TUT4: variants seen among roughly 807,000 people sequenced by gnomAD.
The protein encoded by TUT4 is terminal uridylyltransferase 4.
Under a neutral mutation model 192.2 loss-of-function variants are expected in TUT4, and 36 were observed. The ratio of observed to expected loss-of-function variants is 0.19; its 90% CI spans 0.14 to 0.25. TUT4 has a LOEUF of 0.25. Ranked by LOEUF, TUT4 falls within the 10% of genes least tolerant of loss-of-function variation. The pLI is 1.00. For synonymous variants in TUT4, 618 were observed against 666.0 expected (o/e 0.93, Z 1.11); for missense variants, 1,493 against 1,957.2 (o/e 0.76, Z 4.47).
Position 52,465,145 on chromosome 1 carries a change from A to C in TUT4, c.2994T>G (p.Ser998=), listed in dbSNP as rs986430176. ...DEKARLCLFG[S]SKNGFGFRDS... is the part of the protein sequence containing the mutation. ...CACGAAATCCAAATCCATTCTTAGA[A>C]GAGCCAAATAAGCACAACCTTGCCT... Residue 998 remains serine (S), a synonymous_variant, in exon 16 of 30, where the codon TCT becomes TCG. Coordinates refer to ENST00000257177, the MANE Select transcript of TUT4 (RefSeq NM_001009881.3). The C allele has an allele frequency of 1.9e-6, 3 of 1,613,688 alleles. No homozygotes were observed. The highest frequency in any genetic ancestry group is 2.5e-6 in the Non-Finnish European group (3 of 1,179,906).
At chr1:52,534,780 T>C (rs1684450550) in intron 1 of TUT4, among the ~76,000 whole-genome samples, 1 of 151,966 alleles carries the variant, frequency 6.6e-6, no homozygotes. Context: ...GAAGAATCAC[T>C]TGAGCCCAGG....
intron 29 of TUT4, chr1:52,424,765 T>G (rs2148001660): frequency 6.6e-6 from 1 of 152,276 alleles, no homozygotes; most frequent in East Asian, 1.9e-4. Context: ...CAAATATGAT[T>G]ATGTCTTCGT....
rs1188954057 is a variant in TUT4 at position 52,435,959 on chromosome 1, A to G, written c.4163-494T>C. On this transcript the variant is annotated intron_variant, in intron 26 of 29. Transcript: ENST00000257177. ...ACACACACACAAACCTTTCTGCAGT[A>G]AGAATCTGAGTAACTGGAAATCACT... is the stretch of plus-strand genomic sequence containing the variant. 3.9e-5 allele frequency among the ~76,000 whole-genome samples: 6 copies of G among 151,950 alleles called. No homozygotes were observed. In the East Asian group the frequency reaches 1.2e-3, roughly 29 times the overall value.
rs1306035164 is a variant in TUT4, at chr1:52,523,280, A to C, written c.718+2283T>G. On this transcript the variant is annotated intron_variant, in intron 2 of 29. Coordinates refer to ENST00000257177, the MANE Select transcript of TUT4 (RefSeq NM_001009881.3). ...AGTGCTGGGATTACAGGCATGAGCC[A>C]CCGCGCCTGGCCAATTAAGTGACCT... 2.8e-5 allele frequency among the ~76,000 whole-genome samples: 4 copies of C among 145,454 alleles called. No homozygotes were observed. The East Asian group carries it at 9.6e-4, about 35-fold the overall frequency.
chr1:52,433,821 C>G (rs890865545), intron 27 of TUT4: 2 of 152,132 alleles, frequency 1.3e-5, no homozygotes, highest in Admixed American at 6.5e-5. Context: ...CTGAACAATG[C>G]ATGTGGAACA....
At chr1:52,458,680 A>G (rs892184654) in intron 19 of TUT4, among the ~76,000 whole-genome samples, 1 of 152,116 alleles carries the variant, frequency 6.6e-6, no homozygotes, top group African/African-American at 2.4e-5. Context: ...CATCTTACAA[A>G]CAAACAAACA....
In TUT4 at chr1:52,463,855, T is replaced by C; in HGVS notation, c.3069+1215A>G. The C allele has an allele frequency of 3.3e-6, 4 of 1,194,988 alleles. No individual in the cohort carries two copies. In the South Asian group the frequency reaches 5.2e-5, roughly 16 times the overall value. 74.0% of individuals were successfully genotyped at this position (1,194,988 alleles called of 1,614,324 possible). ...ACTTGGGGAAGGTCTGCTCCTGGCA[T>C]CTCACGGTGGAACTCAGAAAGCTAT... On this transcript the variant is annotated intron_variant, in intron 16 of 29. Transcript: ENST00000257177.
At chr1:52,528,347 C>T (rs1044811110) in intron 1 of TUT4, among the ~76,000 whole-genome samples, 29 of 151,772 alleles carry the variant, frequency 1.9e-4, no homozygotes, top group African/African-American at 6.3e-4. Flanking sequence ...AAAAATTAGC[C>T]GGCCACTGTG....
chr1:52,499,998 T>A (rs1301412690), intron 4 of TUT4, among the ~76,000 whole-genome samples: 1 of 151,672 alleles, frequency 6.6e-6, no homozygotes, highest in African/African-American at 2.4e-5. Flanking sequence ...CATGCCTGTC[T>A]GTAATCCCAG....
intron 29 of TUT4, chr1:52,424,521 C>G (rs1431999627): frequency 6.5e-6 from 1 of 154,084 alleles, no homozygotes; most frequent in African/African-American, 2.4e-5. Context: ...TTTAACTATA[C>G]TGACTCTGAC....
In TUT4 at chr1:52,446,829, T is replaced by C. The variant is rs557420653; in HGVS notation, c.3436-162A>G. ...GTATAATTTGATGCCAAGAAGTTAA[T>C]GAATAAAACGTATCTGAAAGACCAA... On this transcript the variant is annotated intron_variant, in intron 20 of 29. Coordinates refer to ENST00000257177, the MANE Select transcript of TUT4 (RefSeq NM_001009881.3). 5.3e-5 allele frequency among the ~76,000 whole-genome samples: 8 copies of C among 152,290 alleles called. No individual in the cohort carries two copies. The East Asian group carries it at 9.7e-4, about 18-fold the overall frequency.
intron 9 of TUT4, among the ~76,000 whole-genome samples, chr1:52,482,939 T>C (rs1668864091): frequency 6.6e-6 from 1 of 152,186 alleles, no homozygotes; most frequent in Non-Finnish European, 1.5e-5. Flanking sequence ...AATTAAAAAA[T>C]GAGTGATATA....
intron 7 of TUT4, 79 bp downstream of exon 7, chr1:52,493,532 A>G: frequency 1.0e-6 from 1 of 996,124 alleles, no homozygotes; most frequent in East Asian, 2.7e-5. Flanking sequence ...TAACTTGGTT[A>G]GCCATATATA....
intron 6 of TUT4, among the ~76,000 whole-genome samples, chr1:52,494,743 T>C (rs1435533655): frequency 6.6e-6 from 1 of 152,112 alleles, no homozygotes; most frequent in Non-Finnish European, 1.5e-5. Flanking sequence ...ATAAAGTAAA[T>C]GTATCACCCT....
At chr1:52,544,271 G>C (rs1268602712) in intron 1 of TUT4, among the ~76,000 whole-genome samples, 3 of 148,994 alleles carry the variant, frequency 2.0e-5, no homozygotes, top group African/African-American at 7.4e-5. Flanking sequence ...CTGGGCGACA[G>C]AGTGAGACTC....
intron 2 of TUT4, 46 bp downstream of exon 2, chr1:52,525,517 T>C (rs377386017): frequency 2.1e-5 from 33 of 1,557,924 alleles, no homozygotes; most frequent in Admixed American, 2.0e-4. Flanking sequence ...CCGGGGATAA[T>C]CTAAAGAACA....
chr1:52,517,439 T>C (rs1002224345), intron 2 of TUT4, among the ~76,000 whole-genome samples: 1 of 152,184 alleles, frequency 6.6e-6, no homozygotes, highest in East Asian at 1.9e-4. Flanking sequence ...GTCCTCAAAA[T>C]TGCATGGCAT....
At chr1:52,549,117 G>A (rs909189023) in intron 1 of TUT4, among the ~76,000 whole-genome samples, 2 of 152,138 alleles carry the variant, frequency 1.3e-5, no homozygotes, top group Non-Finnish European at 2.9e-5. Context: ...AAGAAGGCTT[G>A]CCTATCCACT....
At chr1:52,468,066 C>T (rs984423519) in intron 15 of TUT4, 115 bp downstream of exon 15, 2 of 743,262 alleles carry the variant, frequency 2.7e-6, no homozygotes, top group Non-Finnish European at 4.2e-6. Flanking sequence ...ACTGTATTCC[C>T]AGCAACTAGA....
Sources: allele counts gnomAD v4.1 joint callset (sites outside exome capture counted in the v4.1 genomes callset), GRCh38; gene constraint gnomAD v4.1.1; transcripts MANE v1.5; gene names NCBI Gene and HGNC (gene_info 2026-07-23, HGNC 2026-07-21).